EPB41L2: variants seen among roughly 807,000 people sequenced by gnomAD.
EPB41L2 encodes band 4.1-like protein 2.
A neutral mutation model predicts 113.0 loss-of-function variants in EPB41L2; 43 were observed. The ratio of observed to expected loss-of-function variants is 0.38; its 90% CI spans 0.30 to 0.49. The LOEUF (loss-of-function observed/expected upper bound fraction) is 0.49. Ranked by LOEUF, EPB41L2 falls within the 20% of genes least tolerant of loss-of-function variation. The pLI is 0.95. For synonymous variants in EPB41L2, 442 were observed against 436.7 expected (o/e 1.01, Z -0.15); for missense variants, 1,147 against 1,223.4 (o/e 0.94, Z 0.93).
chr6:130,931,280 A>G (rs566325375), intron 3 of EPB41L2, among the ~76,000 whole-genome samples: 1 of 152,322 alleles, frequency 6.6e-6, no homozygotes, highest in East Asian at 1.9e-4. Flanking sequence ...TACTCAACAT[A>G]TAAAAGGTTC....
chr6:131,021,760 A>T (rs1278367795), intron 1 of EPB41L2, among the ~76,000 whole-genome samples: 2 of 152,100 alleles, frequency 1.3e-5, no homozygotes, highest in African/African-American at 2.4e-5. Context: ...CCTTACAAAA[A>T]CCCTATGAAG....
chr6:130,913,724 G>A (rs1346303109), intron 4 of EPB41L2, among the ~76,000 whole-genome samples: 1 of 151,930 alleles, frequency 6.6e-6, no homozygotes, highest in Non-Finnish European at 1.5e-5. Flanking sequence ...AAAAAAAAAT[G>A]ACTTAAATGA....
At chr6:131,007,898 G>A (rs916402083) in intron 1 of EPB41L2, among the ~76,000 whole-genome samples, 1 of 152,152 alleles carries the variant, frequency 6.6e-6, no homozygotes, top group Non-Finnish European at 1.5e-5. Flanking sequence ...ACAAAGAGGT[G>A]GTTTAAAATT....
At chr6:131,047,798 G>A (rs1367485698) in intron 1 of EPB41L2, among the ~76,000 whole-genome samples, 2 of 151,598 alleles carry the variant, frequency 1.3e-5, no homozygotes, top group South Asian at 2.1e-4. Context: ...TCTAAACTAC[G>A]TTAGGCAAAA....
chr6:130,985,646 C>T (rs1383208181), intron 1 of EPB41L2, among the ~76,000 whole-genome samples: 2 of 152,060 alleles, frequency 1.3e-5, no homozygotes, highest in Non-Finnish European at 2.9e-5. Context: ...GAGTTGGTGA[C>T]CTGGGCAGTG....
At chr6:130,857,732 T>C (rs895019536) in intron 19 of EPB41L2, among the ~76,000 whole-genome samples, 2 of 152,024 alleles carry the variant, frequency 1.3e-5, no homozygotes, top group African/African-American at 2.4e-5. Context: ...CATTTTTGTG[T>C]TTTTAGTAGA....
In EPB41L2 at chr6:130,875,700, A is replaced by G. The variant is rs540756233; in HGVS notation, c.2043+2404T>C. Among the ~76,000 whole-genome samples, 43 of 152,272 alleles carry G rather than the reference A, an allele frequency of 2.8e-4. 1 individual carries two copies. The South Asian group carries it at 8.9e-3, about 32-fold the overall frequency. ...CTGAAACTTTCCAAGTACCAATTAG[A>G]AAATTTTCTAATCACCAGCCGGGTG... On this transcript the variant is annotated intron_variant, in intron 14 of 19. Transcript: ENST00000337057.
At position 130,890,513 on chromosome 6, in the gene EPB41L2, A is replaced by G. The variant is rs753055976; in HGVS notation, c.1488-47T>C. On this transcript the variant is annotated intron_variant, in intron 10 of 19. Transcript: ENST00000337057. ...AAAAGAGAGAGAGAAAGGGGAAGCAAAATTAGACTTTACGGAATTTTTTAA... is the reference window on the plus strand; with the variant it reads ...AAAAGAGAGAGAGAAAGGGGAAGCAGAATTAGACTTTACGGAATTTTTTAA... The G allele has an allele frequency of 7.7e-6, 12 of 1,554,860 alleles. No homozygotes were observed. The South Asian group carries it at 1.3e-4, about 17-fold the overall frequency.
rs565266420 is a variant in EPB41L2, at chr6:131,041,483, A to T, written c.-15+21672T>A. 3.3e-5 allele frequency among the ~76,000 whole-genome samples: 5 copies of T among 152,334 alleles called. No individual in the cohort carries two copies. In the South Asian group the frequency reaches 1.0e-3, roughly 32 times the overall value. ...AAAAAGAAAACTAATCCTATATTGTATCACTTGATAGGAAGCAGTAAGAAA... is the reference window on the plus strand; with the variant it reads ...AAAAAGAAAACTAATCCTATATTGTTTCACTTGATAGGAAGCAGTAAGAAA... On this transcript the variant is annotated intron_variant, in intron 1 of 19. Coordinates refer to ENST00000337057, the MANE Select transcript of EPB41L2 (RefSeq NM_001431.4).
At chr6:130,849,378 C>T (rs1778086569) in intron 19 of EPB41L2, among the ~76,000 whole-genome samples, 1 of 152,226 alleles carries the variant, frequency 6.6e-6, no homozygotes, top group African/African-American at 2.4e-5. Flanking sequence ...GCGGTCAGTT[C>T]TGTCTTGCCC....
At chr6:131,054,746 C>T (rs547861156) in intron 1 of EPB41L2, among the ~76,000 whole-genome samples, 1 of 152,296 alleles carries the variant, frequency 6.6e-6, no homozygotes, top group African/African-American at 2.4e-5. Flanking sequence ...ACAAAAGGAA[C>T]TGTTTTAAAG....
chr6:131,014,390 T>C (rs935063653), intron 1 of EPB41L2, among the ~76,000 whole-genome samples: 1 of 152,190 alleles, frequency 6.6e-6, no homozygotes, highest in African/African-American at 2.4e-5. Context: ...TTGTATCCCA[T>C]TTGGCTTAAA....
chr6:130,939,384 G>A (rs1452280400), intron 3 of EPB41L2, among the ~76,000 whole-genome samples: 1 of 151,832 alleles, frequency 6.6e-6, no homozygotes, highest in African/African-American at 2.4e-5. Flanking sequence ...CTCCCAAGTA[G>A]CTGGGATTAC....
At chr6:131,061,903 T>C (rs1047588941) in intron 1 of EPB41L2, among the ~76,000 whole-genome samples, 2 of 151,686 alleles carry the variant, frequency 1.3e-5, no homozygotes, top group Non-Finnish European at 2.9e-5. Context: ...TAAATAACAG[T>C]AACAAGAGGA....
chr6:130,894,977 C>T lies in EPB41L2; in HGVS notation c.1379G>A (p.Arg460Lys). The change falls in exon 9 of 20, where the codon AGA becomes AAA. Residue 460 changes from arginine to lysine, a missense_variant. Transcript: ENST00000337057. Reference sequence around the variant, plus strand: ...AATGTCTTGGCTTACCTCTGCCGGTCTGACTTTAATGTAGAAGTTACTGCG... The same window carrying T: ...AATGTCTTGGCTTACCTCTGCCGGTTTGACTTTAATGTAGAAGTTACTGCG... ...YKRSNFYIKV[R>K]PAELEQFEST... The T allele has an allele frequency of 6.2e-7, 1 of 1,613,254 alleles. No individual in the cohort carries two copies. Among genetic ancestry groups the T allele is most frequent in the East Asian group, 2.2e-5 (1 of 44,854 alleles).
At chr6:130,944,346 AAAT>A (rs1812047645) in intron 3 of EPB41L2, among the ~76,000 whole-genome samples, 1 of 152,198 alleles carries the variant, frequency 6.6e-6, no homozygotes, top group Non-Finnish European at 1.5e-5. Context: ...AAATAAATCA[AAAT>A]TACTTTCTAT....
intron 3 of EPB41L2, among the ~76,000 whole-genome samples, chr6:130,939,534 T>C (rs1318256714): frequency 6.6e-6 from 1 of 152,156 alleles, no homozygotes; most frequent in Non-Finnish European, 1.5e-5. Flanking sequence ...ATTACAGATG[T>C]AAGACACCGC....
chr6:130,854,258 T>C (rs187577890), intron 19 of EPB41L2, among the ~76,000 whole-genome samples: 29 of 151,054 alleles, frequency 1.9e-4, no homozygotes, highest in African/African-American at 6.0e-4. Flanking sequence ...AGGGGGACCA[T>C]GTTTGCTTTG....
intron 8 of EPB41L2, 38 bp downstream of exon 8, chr6:130,899,453 G>GACT (rs1562432597): frequency 1.9e-6 from 3 of 1,555,056 alleles, no homozygotes; most frequent in Middle Eastern, 3.4e-4. Context: ...TCAGTCAACA[G>GACT]ACTACTATGA....
Sources: gnomAD v4.1 joint callset for allele counts (sites outside exome capture counted in the v4.1 genomes callset) on GRCh38, gnomAD v4.1.1 for gene constraint, MANE v1.5 for transcripts, NCBI Gene and HGNC (gene_info 2026-07-23, HGNC 2026-07-21) for gene names.